Variants in TEDC1 observed in about 807,000 individuals in gnomAD.
The protein encoded by TEDC1 is tubulin epsilon and delta complex protein 1.
Under a neutral mutation model 59.9 loss-of-function variants are expected in TEDC1, and 54 were observed. The ratio of observed to expected loss-of-function variants is 0.90; its 90% CI spans 0.72 to 1.13. The LOEUF is 1.13. Ranked by LOEUF, TEDC1 falls within the 50% of genes most tolerant of loss-of-function variation. The pLI is 0.00. For missense variants in TEDC1, 734 were observed against 683.4 expected (o/e 1.07, Z -0.83); for synonymous variants, 353 against 298.1 (o/e 1.18, Z -1.90).
Position 105,499,106 on chromosome 14 carries a change from G to T in TEDC1, c.*160G>T. On this transcript the variant is annotated 3_prime_UTR_variant, in exon 9 of 9. Coordinates refer to ENST00000392523, the MANE Select transcript of TEDC1 (RefSeq NM_001367178.1). The stretch of plus-strand genomic sequence containing the variant: ...GGGTGGGGCTGGGCTGACTCTGGCC[G>T]GATCCCAGGCCTGTGGCTAGCAGCA... The T allele has an allele frequency of 2.6e-6, 2 of 776,702 alleles. No homozygotes were observed. Among genetic ancestry groups the T allele is most frequent in the Non-Finnish European group, 4.0e-6 (2 of 497,606 alleles). 48.1% of individuals were successfully genotyped at this position (776,702 alleles called of 1,614,324 possible).
intron 8 of TEDC1, among the ~76,000 whole-genome samples, 153 bp from the exon 9 acceptor site, chr14:105,498,464 C>T (rs1289422141): frequency 2.0e-5 from 3 of 152,218 alleles, no homozygotes; most frequent in Non-Finnish European, 4.4e-5. Flanking sequence ...GCATGATTTT[C>T]CCCTTAAAAT....
At chr14:105,491,956 T>C in intron 2 of TEDC1, 151 bp from the exon 3 acceptor site, 1 of 924,076 alleles carries the variant, frequency 1.1e-6, no homozygotes, top group Non-Finnish European at 1.6e-6. Context: ...GGTCTCCTCA[T>C]CCTGGTCTGA....
At chr14:105,491,965 G>A (rs1567072315) in intron 2 of TEDC1, 142 bp from the exon 3 acceptor site, 2 of 964,188 alleles carry the variant, frequency 2.1e-6, no homozygotes, top group East Asian at 5.3e-5. Flanking sequence ...ATCCTGGTCT[G>A]AGTTCTAGCT....
chr14:105,494,040 C>T, intron 5 of TEDC1, 107 bp downstream of exon 5: 1 of 844,412 alleles, frequency 1.2e-6, no homozygotes, highest in South Asian at 1.6e-5. Context: ...TCTTGGGCCT[C>T]CAGCGGTGGG....
At position 105,495,883 on chromosome 14, in the gene TEDC1, T is replaced by G. The variant is rs1555440329; in HGVS notation, c.688T>G (p.Ser230Ala). Residue 230 changes from serine (S) to alanine (A), a missense_variant, in exon 6 of 9, where the codon TCT becomes GCT. Transcript: ENST00000392523. ...CCATGGCTGGCTTCCTTCCAAGGTT[T>G]CTGGAGCGGGAGCTGCCCAAAACCT... ...LRDPEGGQQV[S>A]GAGAAQNLDL... is the part of the protein sequence containing the mutation. 2.6e-6 allele frequency: 4 copies of G among 1,549,264 alleles called. No homozygotes were observed.
upstream of TEDC1, chr14:105,491,192 C>T (rs1555439159): frequency 6.5e-7 from 1 of 1,548,102 alleles, no homozygotes; most frequent in African/African-American, 1.4e-5. Context: ...GGGCGCAGGT[C>T]CCAGCCGGCG....
chr14:105,491,754 T>G, intron 2 of TEDC1, 54 bp downstream of exon 2: 1 of 1,481,866 alleles, frequency 6.7e-7, no homozygotes, highest in Non-Finnish European at 9.0e-7. Context: ...CGCCTACTCC[T>G]GTAAAGCCCC....
At chr14:105,490,085 G>C (rs1555438915), upstream of TEDC1, 1 of 152,162 alleles carries the variant, frequency 6.6e-6, no homozygotes, top group Non-Finnish European at 1.5e-5. Flanking sequence ...GAAGGAGATC[G>C]CGATGCGCCG....
In TEDC1 at chr14:105,491,728, C is replaced by T. The variant is rs587696116; in HGVS notation, c.226+28C>T. On this transcript the variant is annotated intron_variant, in intron 2 of 8. Transcript: ENST00000392523. ...AAGCCCCGCTCCTGGCCCCGCCCAC[C>T]CGGTAGCACTGGCCCCGCCTACTCC... is the stretch of plus-strand genomic sequence containing the variant. 2.4e-4 allele frequency: 371 copies of T among 1,539,664 alleles called. 2 individuals carry two copies. In the East Asian group the frequency reaches 6.7e-3, roughly 28 times the overall value.
intron 6 of TEDC1, chr14:105,497,080 G>GGCA: frequency 1.8e-6 from 1 of 544,238 alleles, no homozygotes; most frequent in East Asian, 3.3e-5. Flanking sequence ...AGAGCCGGGG[G>GGCA]GCAGCTCTTG....
intron 7 of TEDC1, 171 bp downstream of exon 7, chr14:105,497,614 C>A: frequency 9.1e-7 from 1 of 1,093,738 alleles, no homozygotes; most frequent in Non-Finnish European, 1.3e-6. Context: ...AGGCTCACTG[C>A]TGCCCCCGCC....
upstream of TEDC1, chr14:105,490,912 G>A (rs1555439079): frequency 1.3e-5 from 13 of 1,011,264 alleles, no homozygotes. Context: ...TCTGAGCGAG[G>A]CGGGGTGTCG....
At chr14:105,490,779 G>C, upstream of TEDC1, 1 of 531,376 alleles carries the variant, frequency 1.9e-6, no homozygotes, top group Non-Finnish European at 3.4e-6. Flanking sequence ...AAGGCGGCGC[G>C]ATGGGGCGAG....
chr14:105,490,974 TCAA>T, upstream of TEDC1: 1 of 1,489,876 alleles, frequency 6.7e-7, no homozygotes, highest in Non-Finnish European at 9.1e-7. Context: ...GTTCTCCATA[TCAA>T]CAGCCCTGCC....
At chr14:105,495,705 T>G in intron 5 of TEDC1, 175 bp from the exon 6 acceptor site, 2 of 611,162 alleles carry the variant, frequency 3.3e-6, no homozygotes, top group Non-Finnish European at 5.7e-6. Flanking sequence ...CTGGGACCCC[T>G]GGGTTGGGGC....
At chr14:105,498,504 C>T (rs782815398) in intron 8 of TEDC1, 113 bp from the exon 9 acceptor site, 304 of 1,154,776 alleles carry the variant, frequency 2.6e-4, no homozygotes, top group Admixed American at 6.9e-4. Context: ...AGAGCATGGG[C>T]GTTTCCCGCA....
intron 3 of TEDC1, 76 bp downstream of exon 3, chr14:105,492,385 A>G: frequency 1.3e-6 from 2 of 1,563,906 alleles, no homozygotes; most frequent in Non-Finnish European, 8.7e-7. Context: ...GGCCTGGGTC[A>G]GCCCCCTCTG....
At chr14:105,489,871 A>G, upstream of TEDC1, 1 of 152,474 alleles carries the variant, frequency 6.6e-6, no homozygotes, top group Non-Finnish European at 1.5e-5. Flanking sequence ...GCGCTGAACA[A>G]GGCCGCAGAG....
chr14:105,497,236 C>A, intron 6 of TEDC1, 121 bp from the exon 7 acceptor site: 1 of 967,568 alleles, frequency 1.0e-6, no homozygotes, highest in Non-Finnish European at 1.6e-6. Context: ...GGGAGGGCTG[C>A]AGGGGCGGGG....
Sources: gnomAD v4.1 joint callset for allele counts (sites outside exome capture counted in the v4.1 genomes callset) on GRCh38, gnomAD v4.1.1 for gene constraint, MANE v1.5 for transcripts, NCBI Gene and HGNC (gene_info 2026-07-23, HGNC 2026-07-21) for gene names.